CLPB: variants seen among roughly 807,000 people sequenced by gnomAD.
CLPB encodes the protein mitochondrial disaggregase.
Under a neutral mutation model 78.4 loss-of-function variants are expected in CLPB, and 40 were observed. That is an observed-to-expected ratio of 0.51 (90% CI 0.40 to 0.66). The LOEUF (loss-of-function observed/expected upper bound fraction) is 0.66, where lower values mean the gene tolerates loss of function less well. CLPB is among the 30% of genes least tolerant of loss of function. The pLI is 0.00. For missense variants in CLPB, 780 were observed against 886.9 expected (o/e 0.88, Z 1.53); for synonymous variants, 333 against 348.0 (o/e 0.96, Z 0.48).
intron 5 of CLPB, among the ~76,000 whole-genome samples, chr11:72,350,391 A>G (rs1351583956): frequency 6.6e-6 from 1 of 152,216 alleles, no homozygotes; most frequent in Non-Finnish European, 1.5e-5. Context: ...TGCTCAGGGA[A>G]GACTTCCTCC....
intron 3 of CLPB, among the ~76,000 whole-genome samples, chr11:72,386,628 C>T (rs745767638): frequency 6.6e-6 from 1 of 152,160 alleles, no homozygotes; most frequent in Admixed American, 6.5e-5. Context: ...AAGCCCAAAA[C>T]CAGATTCCAT....
intron 5 of CLPB, among the ~76,000 whole-genome samples, chr11:72,357,459 G>A (rs564504927): frequency 6.6e-6 from 1 of 152,236 alleles, no homozygotes; most frequent in East Asian, 1.9e-4. Context: ...CACTTAGGGA[G>A]GCTGAGGCGG....
At chr11:72,432,051 G>A (rs1002602844) in intron 1 of CLPB, among the ~76,000 whole-genome samples, 5 of 152,130 alleles carry the variant, frequency 3.3e-5, no homozygotes, top group Admixed American at 2.6e-4. Flanking sequence ...ACTGCCTACA[G>A]AAGAAATTCC....
chr11:72,416,732 T>A, intron 2 of CLPB, among the ~76,000 whole-genome samples: 1 of 111,180 alleles, frequency 9.0e-6, no homozygotes. Flanking sequence ...CAAGACTCCG[T>A]CTCAAAAAAA....
chr11:72,417,360 C>T (rs1354198363), intron 2 of CLPB, among the ~76,000 whole-genome samples: 2 of 152,118 alleles, frequency 1.3e-5, no homozygotes, highest in African/African-American at 4.8e-5. Flanking sequence ...TGTATAATTC[C>T]ATTTATATGA....
Position 72,358,965 on chromosome 11 carries a change from G to A in CLPB, c.690C>T (p.Asn230=), listed in dbSNP as rs200517382. Reference sequence around the variant, plus strand: ...CCGTGCAGCCCTTGAAACTGGCGCGGTTGTTCAGCCTGTTGTTGAAGTCAT... The same window carrying A: ...CCGTGCAGCCCTTGAAACTGGCGCGATTGTTCAGCCTGTTGTTGAAGTCAT... The part of the protein sequence containing the change: ...REDDFNNRLN[N]RASFKGCTAL... Residue 230 remains asparagine, a synonymous_variant, in exon 5 of 16, where the codon AAC becomes AAT. Coordinates refer to ENST00000538039, the MANE Select transcript of CLPB (RefSeq NM_001258392.3). 1.0e-4 allele frequency: 167 copies of A among 1,613,468 alleles called. No individual in the cohort carries two copies. Among genetic ancestry groups the A allele is most frequent in the Non-Finnish European group, 2.0e-5 (24 of 1,179,968 alleles).
At chr11:72,384,449 A>G (rs1664103062) in intron 3 of CLPB, among the ~76,000 whole-genome samples, 1 of 152,174 alleles carries the variant, frequency 6.6e-6, no homozygotes, top group Non-Finnish European at 1.5e-5. Flanking sequence ...AAAAGGTAAA[A>G]AGTAAGGAAT....
chr11:72,322,147 T>C (rs1218768413), intron 6 of CLPB, among the ~76,000 whole-genome samples: 1 of 152,130 alleles, frequency 6.6e-6, no homozygotes. Flanking sequence ...GACACATCCC[T>C]GTAGAGGAAG....
chr11:72,321,590 T>C (rs1590792041), intron 6 of CLPB, among the ~76,000 whole-genome samples: 2 of 151,868 alleles, frequency 1.3e-5, no homozygotes, highest in Admixed American at 1.3e-4. Flanking sequence ...CGGGGGAGGG[T>C]TACAGAAGGG....
chr11:72,375,972 T>C (rs1046963667), intron 4 of CLPB, among the ~76,000 whole-genome samples: 4 of 152,216 alleles, frequency 2.6e-5, no homozygotes, highest in South Asian at 2.1e-4. Flanking sequence ...TACACCTTCC[T>C]TCCAAGGGCC....
At chr11:72,393,856 A>G (rs918261673) in intron 3 of CLPB, among the ~76,000 whole-genome samples, 2 of 152,154 alleles carry the variant, frequency 1.3e-5, no homozygotes, top group African/African-American at 4.8e-5. Flanking sequence ...CACAGATTTA[A>G]CCATTGCTCT....
Position 72,289,406 on chromosome 11 carries a change from A to G in CLPB, c.*3961T>C, listed in dbSNP as rs1191740849. ...GAATACTGCACACAGGCTGGTTACT[A>G]GCTGACTTAACTAGAGCCTCTATGG... On this transcript the variant is annotated 3_prime_UTR_variant, in exon 16 of 16. Coordinates refer to ENST00000538039, the MANE Select transcript of CLPB (RefSeq NM_001258392.3). The G allele has an allele frequency of 6.6e-6, 1 of 152,172 alleles. No individual in the cohort carries two copies. The highest frequency in any genetic ancestry group is 1.5e-5 in the Non-Finnish European group (1 of 68,038). The allele number at this position is 152,172 out of a possible 1,614,324, so 9.4% of individuals were successfully genotyped here.
chr11:72,332,373 C>T (rs1411990524), intron 5 of CLPB, among the ~76,000 whole-genome samples: 2 of 151,742 alleles, frequency 1.3e-5, no homozygotes, highest in Middle Eastern at 3.4e-3. Context: ...CCCGTAATCC[C>T]AGCTACTCGG....
intron 6 of CLPB, among the ~76,000 whole-genome samples, chr11:72,324,324 T>C (rs1424818442): frequency 6.6e-6 from 1 of 152,090 alleles, no homozygotes; most frequent in African/African-American, 2.4e-5. Flanking sequence ...TCCCAGCACT[T>C]TGGGAGGCCG....
At chr11:72,301,607 G>T (rs1167672154) in intron 11 of CLPB, among the ~76,000 whole-genome samples, 196 bp downstream of exon 11, 2 of 152,230 alleles carry the variant, frequency 1.3e-5, no homozygotes, top group Non-Finnish European at 2.9e-5. Flanking sequence ...AGGCAGGGCT[G>T]GTCTTCGCTT....
At chr11:72,392,077 G>A (rs2135049199) in intron 3 of CLPB, among the ~76,000 whole-genome samples, 1 of 152,208 alleles carries the variant, frequency 6.6e-6, no homozygotes, top group South Asian at 2.1e-4. Context: ...CCAGGCGCGT[G>A]TCAAAGACGG....
At chr11:72,367,680 A>T (rs1200664342) in intron 4 of CLPB, among the ~76,000 whole-genome samples, 1 of 152,100 alleles carries the variant, frequency 6.6e-6, no homozygotes, top group Admixed American at 6.5e-5. Flanking sequence ...GGGTGATGGG[A>T]TCAATTATAC....
At chr11:72,374,575 T>C (rs1951105372) in intron 4 of CLPB, among the ~76,000 whole-genome samples, 1 of 152,186 alleles carries the variant, frequency 6.6e-6, no homozygotes, top group South Asian at 2.1e-4. Context: ...TTGACAAAAG[T>C]GGACCCAGCT....
chr11:72,381,403 G>A (rs558182693), intron 3 of CLPB, among the ~76,000 whole-genome samples: 41 of 152,086 alleles, frequency 2.7e-4, no homozygotes, highest in African/African-American at 9.6e-4. Flanking sequence ...CTCCAGATCT[G>A]CTTCCTAGCC....
Sources: gnomAD v4.1 joint callset for allele counts (sites outside exome capture counted in the v4.1 genomes callset) on GRCh38, gnomAD v4.1.1 for gene constraint, MANE v1.5 for transcripts, NCBI Gene and HGNC (gene_info 2026-07-23, HGNC 2026-07-21) for gene names.